The following PBX3 variants were observed in gnomAD, a reference collection of about 807,000 sequenced individuals.
PBX3 encodes PBX homeobox 3, also known as pre-B-cell leukemia transcription factor 3.
Under a neutral mutation model 48.5 loss-of-function variants are expected in PBX3, and 14 were observed. The observed-to-expected ratio is 0.29, with a 90% confidence interval of 0.19 to 0.45. The LOEUF (loss-of-function observed/expected upper bound fraction) is 0.45. PBX3 is among the 20% of genes least tolerant of loss of function. The pLI is 1.00. For missense variants in PBX3, 386 were observed against 546.7 expected (o/e 0.71, Z 2.93); for synonymous variants, 210 against 200.3 (o/e 1.05, Z -0.41).
chr9:125,954,139 CAA>C (rs1447573609), intron 5 of PBX3, among the ~76,000 whole-genome samples: 1 of 152,194 alleles, frequency 6.6e-6, no homozygotes, highest in East Asian at 1.9e-4. Context: ...GGGTGCCCAA[CAA>C]GAGACATTAT....
At chr9:125,800,217 ATAAG>A (rs1164946150) in intron 2 of PBX3, among the ~76,000 whole-genome samples, 5 of 152,200 alleles carry the variant, frequency 3.3e-5, no homozygotes, top group Admixed American at 6.5e-5. Context: ...TACTGAAAAG[ATAAG>A]TAAGGGTGTG....
intron 2 of PBX3, chr9:125,748,826 G>A (rs920625893): frequency 6.6e-6 from 3 of 455,552 alleles, no homozygotes; most frequent in Non-Finnish European, 8.0e-6. Context: ...AAAATGAAGT[G>A]TAGGTGCGGA....
intron 2 of PBX3, among the ~76,000 whole-genome samples, chr9:125,860,882 G>GT (rs1839845654): frequency 2.0e-5 from 1 of 49,482 alleles, no homozygotes; most frequent in Non-Finnish European, 3.5e-5. Context: ...ATAAGACTCT[G>GT]TCAAAAAAAA....
chr9:125,763,133 T>C (rs1202830702), intron 2 of PBX3, among the ~76,000 whole-genome samples: 2 of 152,234 alleles, frequency 1.3e-5, no homozygotes, highest in Admixed American at 1.3e-4. Context: ...TAAAATATTT[T>C]ATCTTCAATT....
At chr9:125,909,826 A>T (rs576728492) in intron 2 of PBX3, among the ~76,000 whole-genome samples, 2 of 152,158 alleles carry the variant, frequency 1.3e-5, no homozygotes, top group Admixed American at 6.5e-5. Flanking sequence ...AGACCAAGAT[A>T]CTAATAATGT....
chr9:125,930,579 A>G, intron 4 of PBX3, among the ~76,000 whole-genome samples: 1 of 152,220 alleles, frequency 6.6e-6, no homozygotes, highest in Admixed American at 6.5e-5. Flanking sequence ...TTCTTCTCCC[A>G]TGGAATCTGA....
At chr9:125,964,724 T>C (rs1420281722) in intron 8 of PBX3, among the ~76,000 whole-genome samples, 1 of 152,144 alleles carries the variant, frequency 6.6e-6, no homozygotes, top group Non-Finnish European at 1.5e-5. Flanking sequence ...GAAGAAACAA[T>C]GGCTGCCACA....
At chr9:125,827,267 A>G (rs538246466) in intron 2 of PBX3, among the ~76,000 whole-genome samples, 3 of 152,314 alleles carry the variant, frequency 2.0e-5, no homozygotes, top group Middle Eastern at 3.4e-3. Context: ...TGCTTATGAA[A>G]TATTTCAAAC....
chr9:125,774,431 C>T (rs1426807049), intron 2 of PBX3, among the ~76,000 whole-genome samples: 1 of 152,182 alleles, frequency 6.6e-6, no homozygotes, highest in Non-Finnish European at 1.5e-5. Flanking sequence ...CCCCTGGCAA[C>T]CACCAATCTG....
chr9:125,924,899 A>C (rs2132496646), intron 3 of PBX3, among the ~76,000 whole-genome samples: 1 of 152,342 alleles, frequency 6.6e-6, no homozygotes, highest in East Asian at 1.9e-4. Flanking sequence ...ACATCTGCCA[A>C]ATACCCAACT....
At chr9:125,778,223 A>AAGTG (rs2132021326) in intron 2 of PBX3, among the ~76,000 whole-genome samples, 1 of 150,544 alleles carries the variant, frequency 6.6e-6, no homozygotes, top group East Asian at 2.0e-4. Context: ...TGGCCTCCCC[A>AAGTG]AGTGCTTGGA....
intron 2 of PBX3, among the ~76,000 whole-genome samples, chr9:125,915,252 A>G (rs922086093): frequency 3.9e-5 from 6 of 152,234 alleles, no homozygotes; most frequent in African/African-American, 1.4e-4. Context: ...TGTTTCTCCA[A>G]CTGTACAGAG....
chr9:125,779,081 C>T (rs868001019), intron 2 of PBX3, among the ~76,000 whole-genome samples: 2 of 134,244 alleles, frequency 1.5e-5, no homozygotes, highest in Middle Eastern at 3.6e-3. Context: ...CCTCCCATCC[C>T]CCACCCCTAG....
At chr9:125,850,653 T>A (rs1212364215) in intron 2 of PBX3, among the ~76,000 whole-genome samples, 1 of 151,998 alleles carries the variant, frequency 6.6e-6, no homozygotes, top group African/African-American at 2.4e-5. Flanking sequence ...AAAGTCAGTA[T>A]TGTACTGAAA....
At chr9:125,791,270 C>T (rs1054057912) in intron 2 of PBX3, among the ~76,000 whole-genome samples, 35 of 149,194 alleles carry the variant, frequency 2.3e-4, no homozygotes, top group African/African-American at 8.6e-4. Context: ...TTGTAGTACA[C>T]ATACATTTTT....
chr9:125,941,779 G>A (rs1455561264), intron 5 of PBX3, among the ~76,000 whole-genome samples: 1 of 152,178 alleles, frequency 6.6e-6, no homozygotes, highest in Non-Finnish European at 1.5e-5. Flanking sequence ...CTCTTAATTA[G>A]TAGAGCAGAT....
intron 2 of PBX3, among the ~76,000 whole-genome samples, chr9:125,885,981 T>C (rs971867693): frequency 6.6e-6 from 1 of 152,156 alleles, no homozygotes; most frequent in Non-Finnish European, 1.5e-5. Flanking sequence ...GAAATGTAAC[T>C]AAACAGAAAG....
intron 2 of PBX3, among the ~76,000 whole-genome samples, chr9:125,827,229 GTA>G (rs1257286131): frequency 2.0e-5 from 3 of 152,126 alleles, no homozygotes; most frequent in Non-Finnish European, 2.9e-5. Flanking sequence ...CCCATGTAGG[GTA>G]TATGGACTTT....
In PBX3 at chr9:125,892,467, A is replaced by G. The variant is rs80088190; in HGVS notation, c.275-23219A>G. On this transcript the variant is annotated intron_variant, in intron 2 of 8. Transcript: ENST00000373489. ...TTTAAATAAGATACCCACCAAAAAA[A>G]TCATATTCTTACATGGTATCATTAG... 2.7e-3 allele frequency among the ~76,000 whole-genome samples: 417 copies of G among 152,308 alleles called. 7 individuals are homozygous for G. In the East Asian group the frequency reaches 0.06, roughly 22 times the overall value.
Sources: gnomAD v4.1 joint callset for allele counts (sites outside exome capture counted in the v4.1 genomes callset) on GRCh38, gnomAD v4.1.1 for gene constraint, MANE v1.5 for transcripts, NCBI Gene and HGNC (gene_info 2026-07-23, HGNC 2026-07-21) for gene names.